DYRK1A: variants seen among roughly 807,000 people sequenced by gnomAD.
The protein encoded by DYRK1A is dual specificity tyrosine phosphorylation regulated kinase 1A, also known as dual specificity tyrosine-phosphorylation-regulated kinase 1A.
Under a neutral mutation model 79.7 loss-of-function variants are expected in DYRK1A, and 9 were observed. The ratio of observed to expected loss-of-function variants is 0.11; its 90% confidence interval spans 0.07 to 0.20. The LOEUF (loss-of-function observed/expected upper bound fraction) is 0.20. Among genes scored for constraint, DYRK1A ranks in the 10% least tolerant of loss-of-function variants. DYRK1A has a pLI of 1.00. For synonymous variants in DYRK1A, 349 were observed against 329.7 expected (o/e 1.06, Z -0.63); for missense variants, 622 against 956.0 (o/e 0.65, Z 4.61).
intron 9 of DYRK1A, among the ~76,000 whole-genome samples, chr21:37,501,110 A>C (rs907678673): frequency 7.3e-5 from 11 of 150,138 alleles, no homozygotes; most frequent in African/African-American, 2.7e-4. Flanking sequence ...ATTTCCCTCC[A>C]AGCACTGCTT....
At chr21:37,450,727 G>A (rs980070493) in intron 2 of DYRK1A, among the ~76,000 whole-genome samples, 8 of 152,150 alleles carry the variant, frequency 5.3e-5, no homozygotes, top group African/African-American at 1.7e-4. Flanking sequence ...ACCACACTCC[G>A]CTTCTTTCAC....
Position 37,514,888 on chromosome 21 carries a change from A to G in DYRK1A, c.*2357A>G, listed in dbSNP as rs1378009861. On this transcript the variant is annotated 3_prime_UTR_variant, in exon 12 of 12. Coordinates refer to ENST00000647188, the MANE Select transcript of DYRK1A (RefSeq NM_001347721.2). ...CATCTTAGCAAGCACCAAAAAACTA[A>G]AGCAGTTTTTAAACCGATATTTACG... 1.3e-5 allele frequency: 2 copies of G among 152,668 alleles called. No individual in the cohort carries two copies. Among genetic ancestry groups the G allele is most frequent in the Non-Finnish European group, 2.9e-5 (2 of 68,046 alleles). The allele number at this position is 152,668 out of a possible 1,614,324, so 9.5% of individuals were successfully genotyped here. A position where few individuals can be genotyped will look rare whatever the true frequency, so the allele number is the denominator to read the frequency against.
chr21:37,390,259 T>C (rs1462878996), intron 1 of DYRK1A, among the ~76,000 whole-genome samples: 1 of 152,186 alleles, frequency 6.6e-6, no homozygotes, highest in Admixed American at 6.5e-5. Flanking sequence ...TGGGGTCTTA[T>C]TACCTTTATT....
At chr21:37,428,768 G>T (rs1489051583) in intron 2 of DYRK1A, 6 of 152,032 alleles carry the variant, frequency 3.9e-5, no homozygotes, top group African/African-American at 1.2e-4. Context: ...AAAACTATTT[G>T]ATATAAAAAG....
At chr21:37,442,550 T>C (rs997852087) in intron 2 of DYRK1A, among the ~76,000 whole-genome samples, 1 of 152,172 alleles carries the variant, frequency 6.6e-6, no homozygotes, top group Non-Finnish European at 1.5e-5. Flanking sequence ...ATCATTCACA[T>C]TGTAGTTTTT....
intron 2 of DYRK1A, among the ~76,000 whole-genome samples, chr21:37,458,240 C>T (rs1323746630): frequency 8.5e-5 from 10 of 117,330 alleles, no homozygotes; most frequent in African/African-American, 1.3e-4. Context: ...GTCAAGGGGG[C>T]GGTAGGGGAG....
At chr21:37,487,732 G>A (rs1353181852) in intron 6 of DYRK1A, 2 of 152,114 alleles carry the variant, frequency 1.3e-5, no homozygotes, top group Non-Finnish European at 2.9e-5. Flanking sequence ...GATTTTGTTT[G>A]TGAAATACTT....
At chr21:37,436,666 T>C (rs1194739645) in intron 2 of DYRK1A, among the ~76,000 whole-genome samples, 1 of 152,206 alleles carries the variant, frequency 6.6e-6, no homozygotes, top group East Asian at 1.9e-4. Context: ...TTTAAGAGCA[T>C]AGTAAAATTA....
At chr21:37,460,031 A>G (rs1347301172) in intron 2 of DYRK1A, among the ~76,000 whole-genome samples, 1 of 152,144 alleles carries the variant, frequency 6.6e-6, no homozygotes, top group African/African-American at 2.4e-5. Context: ...CTCAAACTTA[A>G]ACATGTTTGT....
intron 1 of DYRK1A, among the ~76,000 whole-genome samples, chr21:37,369,032 T>G (rs1211416102): frequency 6.6e-6 from 1 of 152,200 alleles, no homozygotes; most frequent in Non-Finnish European, 1.5e-5. Flanking sequence ...TTCCTTGATG[T>G]GTTTTGTACT....
At chr21:37,466,654 A>T (rs1179859035) in intron 2 of DYRK1A, among the ~76,000 whole-genome samples, 1 of 152,202 alleles carries the variant, frequency 6.6e-6, no homozygotes, top group Non-Finnish European at 1.5e-5. Context: ...TTTACTAGAA[A>T]TAAAGAGGGC....
intron 6 of DYRK1A, chr21:37,488,177 A>G: frequency 5.4e-6 from 1 of 186,674 alleles, no homozygotes; most frequent in Non-Finnish European, 1.0e-5. Flanking sequence ...GACATTAATG[A>G]TCATATTATT....
intron 11 of DYRK1A, among the ~76,000 whole-genome samples, chr21:37,507,910 T>C (rs750420009): frequency 7.9e-5 from 12 of 152,138 alleles, no homozygotes; most frequent in East Asian, 5.8e-4. Flanking sequence ...TCTAATTGTT[T>C]ACTATAAATG....
intron 1 of DYRK1A, chr21:37,375,142 G>C (rs561366586): frequency 6.6e-6 from 1 of 152,292 alleles, no homozygotes; most frequent in Admixed American, 6.5e-5. Context: ...TTTAATGTGG[G>C]AGCTTATGTC....
intron 5 of DYRK1A, among the ~76,000 whole-genome samples, chr21:37,483,480 G>A (rs2052732168): frequency 1.3e-5 from 2 of 152,110 alleles, no homozygotes; most frequent in East Asian, 1.9e-4. Flanking sequence ...AAAGAATTTT[G>A]GTAATTACAC....
intron 2 of DYRK1A, among the ~76,000 whole-genome samples, chr21:37,451,684 C>A (rs536257595): frequency 6.6e-6 from 1 of 151,830 alleles, no homozygotes; most frequent in East Asian, 1.9e-4. Flanking sequence ...GTAGGCTCCA[C>A]TGTCTAGCGT....
At chr21:37,406,130 A>G (rs1472308703) in intron 1 of DYRK1A, among the ~76,000 whole-genome samples, 1 of 152,078 alleles carries the variant, frequency 6.6e-6, no homozygotes, top group East Asian at 1.9e-4. Context: ...ATTGTTCAGT[A>G]CAACACATCA....
intron 1 of DYRK1A, among the ~76,000 whole-genome samples, chr21:37,379,048 A>T (rs1198452004): frequency 6.6e-6 from 1 of 152,174 alleles, no homozygotes; most frequent in Non-Finnish European, 1.5e-5. Context: ...TCCCTGGAGC[A>T]TCAGATGAGG....
At chr21:37,469,314 A>G (rs959601362) in intron 2 of DYRK1A, among the ~76,000 whole-genome samples, 2 of 152,260 alleles carry the variant, frequency 1.3e-5, no homozygotes, top group African/African-American at 2.4e-5. Flanking sequence ...GGCAGTGTTC[A>G]TAGTAGCCCC....
Sources: gnomAD v4.1 joint callset for allele counts (sites outside exome capture counted in the v4.1 genomes callset) on GRCh38, gnomAD v4.1.1 for gene constraint, MANE v1.5 for transcripts, NCBI Gene and HGNC (gene_info 2026-07-23, HGNC 2026-07-21) for gene names.